The following SLC9C2 variants were observed in gnomAD, a reference collection of about 807,000 sequenced individuals.
SLC9C2 encodes solute carrier family 9 member C2 (putative), also known as sodium/hydrogen exchanger 11.
SLC9C2 carries 75 observed loss-of-function variants against 140.2 expected under a neutral mutation model. That is an observed-to-expected ratio of 0.53 (90% CI 0.44 to 0.65). The LOEUF (loss-of-function observed/expected upper bound fraction) is 0.65. SLC9C2 is among the 30% of genes least tolerant of loss of function. The pLI, the probability that SLC9C2 is intolerant of heterozygous loss-of-function variation, is 0.00. For missense variants in SLC9C2, 1,074 were observed against 1,331.8 expected, an observed-to-expected ratio of 0.81 and a Z score of 3.01; for synonymous variants, 375 against 420.9, an observed-to-expected ratio of 0.89 and a Z score of 1.34.
intron 6 of SLC9C2, 43 bp downstream of exon 6, chr1:173,583,463 T>C (rs370011012): frequency 1.2e-5 from 14 of 1,139,044 alleles, no homozygotes; most frequent in Admixed American, 2.0e-5. Context: ...TTAATTTTAA[T>C]GAGAATGATT....
intron 5 of SLC9C2, among the ~76,000 whole-genome samples, chr1:173,586,516 A>G (rs1665855901): frequency 6.6e-6 from 1 of 152,142 alleles, no homozygotes; most frequent in African/African-American, 2.4e-5. Flanking sequence ...TGACCCAGCA[A>G]TCCCATTACT....
chr1:173,548,630 C>T, intron 11 of SLC9C2, 78 bp from the exon 12 acceptor site: 1 of 1,511,724 alleles, frequency 6.6e-7, no homozygotes. Context: ...GTTGCATGAT[C>T]ATGTAGTGAA....
At chr1:173,537,079 A>G (rs1662023485) in intron 13 of SLC9C2, 40 bp from the exon 14 acceptor site, 7 of 1,484,680 alleles carry the variant, frequency 4.7e-6, no homozygotes, top group Non-Finnish European at 5.6e-6. Context: ...AGATCAAAAC[A>G]TAAATGGAAT....
At chr1:173,507,111 T>A in intron 24 of SLC9C2, 70 bp from the exon 25 acceptor site, 1 of 1,198,468 alleles carries the variant, frequency 8.3e-7, no homozygotes, top group Non-Finnish European at 1.2e-6. Context: ...GAAAACAGAT[T>A]TACTGATCTA....
chr1:173,547,023 A>G (rs1662899781), intron 13 of SLC9C2, among the ~76,000 whole-genome samples: 1 of 152,140 alleles, frequency 6.6e-6, no homozygotes, highest in African/African-American at 2.4e-5. Context: ...ACACTATTCT[A>G]TCTACTTTTG....
chr1:173,583,665 A>G, intron 5 of SLC9C2, 43 bp from the exon 6 acceptor site: 1 of 1,015,042 alleles, frequency 9.9e-7, no homozygotes, highest in Non-Finnish European at 1.4e-6. Flanking sequence ...TGCTACATGA[A>G]AATAATGTTC....
At chr1:173,597,281 A>C (rs1666503239) in intron 4 of SLC9C2, among the ~76,000 whole-genome samples, 1 of 152,104 alleles carries the variant, frequency 6.6e-6, no homozygotes, top group Admixed American at 6.5e-5. Flanking sequence ...TGGGTCAAAA[A>C]GTATAAGAAA....
At position 173,581,830 on chromosome 1, in the gene SLC9C2, A is replaced by T; in HGVS notation, c.802+17T>A. The stretch of plus-strand genomic sequence containing the variant: ...TTACTTTAAGGACAGTAATTTTTGT[A>T]TTTATTTCAGCCTTACCAATATAGA... On this transcript the variant is annotated intron_variant, in intron 7 of 27. Transcript: ENST00000367714. 6.7e-7 allele frequency: 1 copy of T among 1,496,574 alleles called. No individual in the cohort carries two copies. Among genetic ancestry groups the T allele is most frequent in the Admixed American group, 2.1e-5 (1 of 47,874 alleles). The allele number at this position is 1,496,574 out of a possible 1,614,324, so 92.7% of individuals were successfully genotyped here. A position where few individuals can be genotyped will look rare whatever the true frequency, so the allele number is the denominator to read the frequency against.
Position 173,584,580 on chromosome 1 carries a change from GGCT to G in SLC9C2, c.524-961_524-959del, listed in dbSNP as rs144971691. Among the ~76,000 whole-genome samples the G allele has an allele frequency of 2.4e-3, 361 of 152,076 alleles. 3 individuals carry two copies. The highest frequency in any genetic ancestry group is 8.5e-3 in the African/African-American group (353 of 41,486). On this transcript the variant is annotated intron_variant, in intron 5 of 27. Transcript: ENST00000367714. ...TAAATACAATGTGACTTTTGTCTCTGGCTGCTTTTAAAATTTTCTCTTTATAAT... is the reference window on the plus strand; with the variant it reads ...TAAATACAATGTGACTTTTGTCTCTGGCTTTTAAAATTTTCTCTTTATAAT...
chr1:173,570,606 G>A (rs1391340209), intron 9 of SLC9C2, among the ~76,000 whole-genome samples: 1 of 152,122 alleles, frequency 6.6e-6, no homozygotes, highest in Non-Finnish European at 1.5e-5. Flanking sequence ...GACCAGCACA[G>A]CATCAGGACT....
At chr1:173,583,849 A>G (rs1297480727) in intron 5 of SLC9C2, among the ~76,000 whole-genome samples, 1 of 152,190 alleles carries the variant, frequency 6.6e-6, no homozygotes, top group African/African-American at 2.4e-5. Context: ...CACTGCTTGT[A>G]TTGTTCATTG....
chr1:173,563,391 G>C (rs1664244156), intron 9 of SLC9C2, among the ~76,000 whole-genome samples: 1 of 151,662 alleles, frequency 6.6e-6, no homozygotes, highest in Non-Finnish European at 1.5e-5. Context: ...TGAACTTGTC[G>C]TATCCTTCAT....
At chr1:173,515,194 G>T (rs551146112) in intron 23 of SLC9C2, among the ~76,000 whole-genome samples, 4 of 152,206 alleles carry the variant, frequency 2.6e-5, no homozygotes, top group African/African-American at 9.6e-5. Flanking sequence ...TTTGAATGTT[G>T]GTCTGCCTTG....
chr1:173,560,085 C>T (rs1251047233), intron 9 of SLC9C2, among the ~76,000 whole-genome samples: 1 of 152,210 alleles, frequency 6.6e-6, no homozygotes, highest in Non-Finnish European at 1.5e-5. Flanking sequence ...ACTGTTGTCT[C>T]ATTGTGGGGT....
rs115528074 is a variant in SLC9C2, at chr1:173,508,098, C to G, written c.3040-1057G>C. Among the ~76,000 whole-genome samples the G allele has an allele frequency of 4.7e-4, 72 of 151,950 alleles. 1 individual carries two copies. The highest frequency in any genetic ancestry group is 9.2e-4 in the Admixed American group (14 of 15,258). ...TCATACATTTATTTGCTGAGGGCAC[C>G]AGCACAACTGGGAACCAAAAACATT... On this transcript the variant is annotated intron_variant, in intron 24 of 27. Coordinates refer to ENST00000367714, the MANE Select transcript of SLC9C2 (RefSeq NM_178527.4).
chr1:173,577,891 A>G (rs1558084523), intron 7 of SLC9C2, among the ~76,000 whole-genome samples: 1 of 152,146 alleles, frequency 6.6e-6, no homozygotes, highest in Non-Finnish European at 1.5e-5. Flanking sequence ...TACTTATTTA[A>G]CTGAATTTAC....
At chr1:173,519,459 G>A (rs1237152896) in intron 22 of SLC9C2, among the ~76,000 whole-genome samples, 2 of 151,962 alleles carry the variant, frequency 1.3e-5, no homozygotes, top group East Asian at 3.9e-4. Context: ...AGAACCCATT[G>A]GATTTCTGAC....
intron 23 of SLC9C2, among the ~76,000 whole-genome samples, chr1:173,512,038 T>G (rs1294105125): frequency 6.6e-6 from 1 of 152,238 alleles, no homozygotes; most frequent in African/African-American, 2.4e-5. Flanking sequence ...AGTACCATGC[T>G]ATTTTGGTTA....
At chr1:173,596,982 G>C (rs959627454) in intron 4 of SLC9C2, among the ~76,000 whole-genome samples, 5 of 152,018 alleles carry the variant, frequency 3.3e-5, no homozygotes, top group African/African-American at 1.2e-4. Context: ...CACAGTGATA[G>C]TGGAAACTTG....
Sources: allele counts gnomAD v4.1 joint callset (sites outside exome capture counted in the v4.1 genomes callset), GRCh38; gene constraint gnomAD v4.1.1; transcripts MANE v1.5; gene names NCBI Gene and HGNC (gene_info 2026-07-23, HGNC 2026-07-21).